YLPM1: variants seen among roughly 807,000 people sequenced by gnomAD.
YLPM1 encodes YLP motif-containing protein 1.
A neutral mutation model predicts 230.0 loss-of-function variants in YLPM1; 99 were observed. The ratio of observed to expected loss-of-function variants is 0.43; its 90% CI spans 0.37 to 0.51. The LOEUF (loss-of-function observed/expected upper bound fraction) is 0.51. YLPM1 is among the 20% of genes least tolerant of loss of function. The probability of loss-of-function intolerance (pLI) is 0.00; values close to 1 mark genes in which losing one functional copy is unlikely to be tolerated. For synonymous variants in YLPM1, 984 were observed against 942.5 expected (o/e 1.04, Z -0.81); for missense variants, 2,592 against 2,707.7 (o/e 0.96, Z 0.95).
At chr14:74,769,953 C>T (rs1429205674) in intron 1 of YLPM1, among the ~76,000 whole-genome samples, 2 of 146,100 alleles carry the variant, frequency 1.4e-5, no homozygotes, top group Non-Finnish European at 3.0e-5. Context: ...GAGGCCTAGG[C>T]GGGCAGATCA....
At chr14:74,816,842 A>G in intron 13 of YLPM1, 89 bp from the exon 14 acceptor site, 36 of 1,450,220 alleles carry the variant, frequency 2.5e-5, no homozygotes, top group Non-Finnish European at 3.1e-5. Flanking sequence ...AAGACTACAA[A>G]GTCATCTCTA....
At chr14:74,776,545 G>A (rs2091041001) in intron 1 of YLPM1, among the ~76,000 whole-genome samples, 1 of 152,180 alleles carries the variant, frequency 6.6e-6, no homozygotes, top group African/African-American at 2.4e-5. Context: ...ATTTTAAATA[G>A]TGAAATCAAC....
intron 1 of YLPM1, among the ~76,000 whole-genome samples, chr14:74,772,414 G>A (rs2090986815): frequency 6.7e-6 from 1 of 149,486 alleles, no homozygotes; most frequent in Admixed American, 6.7e-5. Context: ...GAAGTGCAGT[G>A]GCGCGAGGAT....
At chr14:74,804,649 C>T (rs1213503261) in intron 6 of YLPM1, among the ~76,000 whole-genome samples, 8 of 152,212 alleles carry the variant, frequency 5.3e-5, no homozygotes, top group Non-Finnish European at 1.0e-4. Flanking sequence ...GGCAATTACC[C>T]TTGTACATAC....
At chr14:74,821,756 C>G (rs1270843344) in intron 17 of YLPM1, 1 of 152,210 alleles carries the variant, frequency 6.6e-6, no homozygotes, top group Non-Finnish European at 1.5e-5. Context: ...GAGATGTTTG[C>G]CTTTCCCTGT....
intron 11 of YLPM1, among the ~76,000 whole-genome samples, chr14:74,815,989 C>A (rs1174379931): frequency 1.3e-5 from 2 of 151,922 alleles, no homozygotes; most frequent in Non-Finnish European, 2.9e-5. Context: ...GTGAGTTTCT[C>A]TAATTTTTTC....
Position 74,799,627 on chromosome 14 carries a change from G to C in YLPM1, c.4330G>C (p.Gly1444Arg). 6.2e-7 allele frequency: 1 copy of C among 1,613,984 alleles called. No homozygotes were observed. Among genetic ancestry groups the C allele is most frequent in the Non-Finnish European group, 8.5e-7 (1 of 1,179,874 alleles). Residue 1444 changes from glycine to arginine, a missense_variant, in exon 5 of 21, where the codon GGG (glycine) becomes CGG (arginine). Physicochemically the swap from Gly to Arg is moderately radical, Grantham distance 125 (BLOSUM62 -2). Transcript: ENST00000325680. ...CTTAGACTCTGACCAAGGCCTTGGAGGGGTAATGGTTCTCAGTCAGAGGCA... is the reference window on the plus strand; with the variant it reads ...CTTAGACTCTGACCAAGGCCTTGGACGGGTAATGGTTCTCAGTCAGAGGCA... ...ASLDSDQGLG[G>R]VMVLSQRQHE... is the part of the protein sequence containing the mutation.
intron 6 of YLPM1, among the ~76,000 whole-genome samples, chr14:74,806,643 C>G (rs905857832): frequency 6.6e-6 from 1 of 151,966 alleles, no homozygotes; most frequent in Non-Finnish European, 1.5e-5. Context: ...ATACTATAGC[C>G]TCGTAAGCAT....
intron 19 of YLPM1, among the ~76,000 whole-genome samples, chr14:74,833,348 A>G (rs1194682155): frequency 2.0e-5 from 3 of 152,126 alleles, no homozygotes; most frequent in Non-Finnish European, 4.4e-5. Context: ...TCCCAGGCTC[A>G]AACAATTCTC....
In YLPM1 at chr14:74,798,485, G is replaced by T. The variant is rs2140109953; in HGVS notation, c.3188G>T (p.Gly1063Val). ...KQEDFRDKMM[G>V]RREDSREKMN... is the part of the protein sequence containing the mutation. ...GAAGACTTTCGGGATAAGATGATGG[G>T]TAGAAGAGAAGATAGTCGAGAGAAG... Residue 1063 changes from glycine (G) to valine (V), a missense_variant, in exon 5 of 21, where the codon GGT becomes GTT. Physicochemically the swap from Gly to Val is moderately radical, Grantham distance 109 (BLOSUM62 -3). Around this residue, in one of 4 missense-constraint regions of YLPM1, gnomAD observed 1,862 missense variants for 1,819.8 expected, o/e 1.02. Transcript: ENST00000325680. 2.5e-6 allele frequency: 4 copies of T among 1,613,950 alleles called. No individual in the cohort carries two copies. In the East Asian group the frequency reaches 8.9e-5, roughly 36 times the overall value.
chr14:74,814,802 G>A (rs1054966104), intron 11 of YLPM1, among the ~76,000 whole-genome samples: 3 of 152,096 alleles, frequency 2.0e-5, no homozygotes, highest in East Asian at 3.8e-4. Context: ...GGGAAGAGTC[G>A]GTATTTAAAT....
chr14:74,771,629 A>G (rs947746963), intron 1 of YLPM1, among the ~76,000 whole-genome samples: 2 of 152,180 alleles, frequency 1.3e-5, no homozygotes, highest in Non-Finnish European at 2.9e-5. Flanking sequence ...ACGTCAAGCA[A>G]GATAAAGACT....
In YLPM1 at chr14:74,835,394, C is replaced by G; in HGVS notation, c.6424C>G (p.Arg2142Gly). The G allele has an allele frequency of 6.2e-7, 1 of 1,613,490 alleles. No homozygotes were observed. The highest frequency in any genetic ancestry group is 8.5e-7 in the Non-Finnish European group (1 of 1,179,604). The change falls in exon 20 of 21, where the codon CGA (arginine) becomes GGA (glycine). Residue 2142 changes from arginine (R) to glycine (G), a missense_variant. Physicochemically the swap from Arg to Gly is moderately radical, Grantham distance 125. Transcript: ENST00000325680. ...SGHLAEKALN[R>G]TKYI ...TCACCTGGCTGAAAAAGCCCTCAAT[C>G]GAACCAAATATATATGAGACTTAGT...
At position 74,798,930 on chromosome 14, in the gene YLPM1, T is replaced by C. The variant is rs1299521220; in HGVS notation, c.3633T>C (p.Ala1211=). 1 of 1,613,826 alleles carries C rather than the reference T, an allele frequency of 6.2e-7. No individual in the cohort carries two copies. The highest frequency in any genetic ancestry group is 2.2e-5 in the East Asian group (1 of 44,868). Residue 1211 remains alanine (A), a synonymous_variant, in exon 5 of 21, where the codon GCT becomes GCC. Coordinates refer to ENST00000325680, the MANE Select transcript of YLPM1 (RefSeq NM_019589.3). ...HEEFPLDGRN[A]PMERERLDDW... ...AGTTTCCATTAGATGGTAGAAATGC[T>C]CCAATGGAACGAGAAAGACTCGATG...
Position 74,798,316 on chromosome 14 carries a change from G to A in YLPM1, c.3019G>A (p.Asp1007Asn). ...DKGLPRPDNR[D>N]NRLEGNRGNS... ...AGGCCTGCCTCGGCCAGATAATAGA[G>A]ATAATAGATTAGAAGGCAATAGAGG... Residue 1007 changes from aspartate to asparagine, a missense_variant, in exon 5 of 21, where the codon GAT becomes AAT. Asp to Asn is a conservative substitution (Grantham distance 23). This residue lies in a region of YLPM1 where 1,862 missense variants were observed against 1,819.8 expected (regional missense o/e 1.02). Transcript: ENST00000325680. 6.8e-6 allele frequency: 11 copies of A among 1,613,910 alleles called. No individual in the cohort carries two copies. Among genetic ancestry groups the A allele is most frequent in the Non-Finnish European group, 9.3e-6 (11 of 1,179,878 alleles).
At position 74,763,381 on chromosome 14, in the gene YLPM1, G is replaced by T; in HGVS notation, c.-109G>T. 8 of 1,325,128 alleles carry T rather than the reference G, an allele frequency of 6.0e-6. No individual in the cohort carries two copies. The highest frequency in any genetic ancestry group is 7.9e-6 in the Non-Finnish European group (8 of 1,016,268). 82.1% of individuals were successfully genotyped at this position (1,325,128 alleles called of 1,614,324 possible). On this transcript the variant is annotated 5_prime_UTR_variant, in exon 1 of 21. Transcript: ENST00000325680. ...GGCGCGCTCCGTTTACACGCTCCGG[G>T]GCCTGTAGGCGCCGCGAGTTCCGGC...
At chr14:74,776,821 G>A (rs1228920660) in intron 1 of YLPM1, among the ~76,000 whole-genome samples, 2 of 152,162 alleles carry the variant, frequency 1.3e-5, no homozygotes, top group Non-Finnish European at 2.9e-5. Flanking sequence ...CCAGCACTTT[G>A]GGAGGCCAAG....
rs770870262 is a variant in YLPM1, at chr14:74,763,613, C to T, written c.124C>T (p.Pro42Ser). Reference protein sequence around the residue: ...PGPGYSSSTTPAAPSSSGFMS... With the variant: ...PGPGYSSSTTSAAPSSSGFMS... ...GCCCGGGTACTCGAGCTCGACGACT[C>T]CCGCGGCCCCCTCCTCCTCGGGCTT... Residue 42 changes from proline to serine, a missense_variant, in exon 1 of 21, where the codon CCC becomes TCC. Physicochemically the swap from Pro to Ser is moderately conservative, Grantham distance 74. Transcript: ENST00000325680. 7.5e-5 allele frequency: 120 copies of T among 1,592,644 alleles called. No homozygotes were observed. The highest frequency in any genetic ancestry group is 2.0e-4 in the South Asian group (18 of 89,814).
chr14:74,796,065 C>T (rs2091257564), intron 4 of YLPM1, among the ~76,000 whole-genome samples: 1 of 152,182 alleles, frequency 6.6e-6, no homozygotes, highest in Non-Finnish European at 1.5e-5. Flanking sequence ...GTTCTAGCTG[C>T]AAGAGATATT....
Sources: allele counts gnomAD v4.1 joint callset (sites outside exome capture counted in the v4.1 genomes callset), GRCh38; gene constraint gnomAD v4.1.1; regional missense constraint gnomAD v4.1.1; transcripts MANE v1.5; gene names NCBI Gene and HGNC (gene_info 2026-07-23, HGNC 2026-07-21).